The following SPAG17 variants were observed in gnomAD, a reference collection of about 807,000 sequenced individuals.
SPAG17 encodes the protein sperm associated antigen 17.
A neutral mutation model predicts 273.6 loss-of-function variants in SPAG17; 169 were observed. The observed-to-expected ratio is 0.62, with a 90% CI of 0.55 to 0.70. The LOEUF (loss-of-function observed/expected upper bound fraction) is 0.70, where lower values mean the gene tolerates loss of function less well. Among genes scored for constraint, SPAG17 ranks in the 30% least tolerant of loss-of-function variants. The pLI, the probability that SPAG17 is intolerant of heterozygous loss-of-function variation, is 0.00. For missense variants in SPAG17, 2,557 were observed against 2,627.8 expected (o/e 0.97, Z 0.59); for synonymous variants, 825 against 873.2 (o/e 0.94, Z 0.97).
rs1213749393 is a variant in SPAG17 at position 118,160,587 on chromosome 1, T to G, written c.88-9218A>C. ...CTTGTTTACTACAAAGCCATGGATA[T>G]AATTTAATTTCTACATCCATCTTGA... On this transcript the variant is annotated intron_variant, in intron 1 of 48. Transcript: ENST00000336338. Among the ~76,000 whole-genome samples the G allele has an allele frequency of 3.9e-5, 6 of 152,254 alleles. No individual in the cohort carries two copies. In the East Asian group the frequency reaches 1.2e-3, roughly 29 times the overall value.
intron 1 of SPAG17, among the ~76,000 whole-genome samples, chr1:118,184,217 AT>A (rs76877728): frequency 1.3e-5 from 2 of 152,064 alleles, no homozygotes; most frequent in South Asian, 2.1e-4. Context: ...TGAAAAAAAA[AT>A]TTTTTTTCCC....
Position 118,155,134 on chromosome 1 carries a change from G to A in SPAG17, c.88-3765C>T, listed in dbSNP as rs550702467. Among the ~76,000 whole-genome samples, 4 of 152,218 alleles carry A rather than the reference G, an allele frequency of 2.6e-5. No individual in the cohort carries two copies. In the East Asian group the frequency reaches 5.8e-4, roughly 22 times the overall value. The stretch of plus-strand genomic sequence containing the variant: ...AAAGCCATTCAAAGGATGGAATGAA[G>A]TCATGTATGGACACAATCCATTTCC... On this transcript the variant is annotated intron_variant, in intron 1 of 48. Coordinates refer to ENST00000336338, the MANE Select transcript of SPAG17 (RefSeq NM_206996.4).
intron 20 of SPAG17, 26 bp from the exon 21 acceptor site, chr1:118,042,068 C>A: frequency 6.3e-7 from 1 of 1,589,432 alleles, no homozygotes; most frequent in Non-Finnish European, 8.5e-7. Flanking sequence ...AGAAATTTAA[C>A]AGGATTTTTA....
intron 1 of SPAG17, among the ~76,000 whole-genome samples, chr1:118,162,207 C>T (rs1659963291): frequency 6.6e-6 from 1 of 152,148 alleles, no homozygotes; most frequent in Admixed American, 6.5e-5. Flanking sequence ...GGCAGTAATT[C>T]ATTATAATTA....
At chr1:118,051,114 C>T (rs890354301) in intron 20 of SPAG17, among the ~76,000 whole-genome samples, 3 of 151,914 alleles carry the variant, frequency 2.0e-5, no homozygotes, top group Admixed American at 6.6e-5. Context: ...AGAAGGCTTA[C>T]AAATGTCCCA....
intron 1 of SPAG17, among the ~76,000 whole-genome samples, chr1:118,179,452 G>T (rs955862595): frequency 6.6e-6 from 1 of 151,984 alleles, no homozygotes; most frequent in African/African-American, 2.4e-5. Flanking sequence ...AAAATGGATT[G>T]CAGACTTAAA....
chr1:117,972,059 G>C lies in SPAG17; in HGVS notation c.6142-12C>G. The C allele has an allele frequency of 1.3e-6, 2 of 1,544,620 alleles. No homozygotes were observed. Among genetic ancestry groups the C allele is most frequent in the Non-Finnish European group, 1.7e-6 (2 of 1,144,722 alleles). ...ACAGAATCTTGCACCTTTGCATTAA[G>C]AAAAAATTAATAAAATGGTTCTATT... On this transcript the variant is annotated splice_polypyrimidine_tract_variant and intron_variant, in intron 44 of 48. Coordinates refer to ENST00000336338, the MANE Select transcript of SPAG17 (RefSeq NM_206996.4).
At position 118,166,097 on chromosome 1, in the gene SPAG17, T is replaced by C. The variant is rs183964100; in HGVS notation, c.88-14728A>G. The stretch of plus-strand genomic sequence containing the variant: ...ATTTTTAGGATCACATGCTTTTTCA[T>C]TGGTGTTTGTATAATTGTGGAGGTT... On this transcript the variant is annotated intron_variant, in intron 1 of 48. Transcript: ENST00000336338. 3.0e-3 allele frequency among the ~76,000 whole-genome samples: 457 copies of C among 152,340 alleles called. 3 individuals carry two copies. The highest frequency in any genetic ancestry group is 0.01 in the African/African-American group (432 of 41,576).
In SPAG17 at chr1:118,025,354, T is replaced by C. The variant is rs748591504; in HGVS notation, c.3793A>G (p.Arg1265Gly). The change falls in exon 27 of 49, where the codon AGG (arginine) becomes GGG (glycine). Residue 1265 changes from arginine to glycine, a missense_variant. Physicochemically the swap from Arg to Gly is moderately radical, Grantham distance 125. Coordinates refer to ENST00000336338, the MANE Select transcript of SPAG17 (RefSeq NM_206996.4). Reference protein sequence around the residue: ...DIMVRQSYPQRVKHYEFYKTV... With the variant: ...DIMVRQSYPQGVKHYEFYKTV... ...TTATAGAACTCATAGTGCTTCACCCTCTGGGGGTAGCTCTGACGGACCATG... is the reference window on the plus strand; with the variant it reads ...TTATAGAACTCATAGTGCTTCACCCCCTGGGGGTAGCTCTGACGGACCATG... 2.5e-6 allele frequency: 4 copies of C among 1,612,436 alleles called. No individual in the cohort carries two copies. Among genetic ancestry groups the C allele is most frequent in the Non-Finnish European group, 3.4e-6 (4 of 1,179,280 alleles).
At position 117,966,731 on chromosome 1, in the gene SPAG17, T is replaced by G. The variant is rs773874607; in HGVS notation, c.6410A>C (p.Glu2137Ala). The G allele has an allele frequency of 4.3e-6, 7 of 1,612,820 alleles. No homozygotes were observed. In the East Asian group the frequency reaches 1.3e-4, roughly 31 times the overall value. ...TGTGGCAAATAACTCTATATTCAGT[T>G]CTGTCTGCATACCAGCTGCCACCTA... ...PGPVAAGMQT[E>A]LNIELFATAV... The change falls in exon 47 of 49, where the codon GAA (glutamate) becomes GCA (alanine). Residue 2137 changes from glutamate (E) to alanine (A), a missense_variant. Coordinates refer to ENST00000336338, the MANE Select transcript of SPAG17 (RefSeq NM_206996.4).
chr1:117,970,138 A>ACAACC, intron 45 of SPAG17, 22 bp from the exon 46 acceptor site: 2 of 1,605,250 alleles, frequency 1.2e-6, no homozygotes. Flanking sequence ...AAAGATAAAA[A>ACAACC]TAAATTTATG....
chr1:118,120,832 G>T (rs971064143), intron 3 of SPAG17, among the ~76,000 whole-genome samples: 4 of 152,148 alleles, frequency 2.6e-5, no homozygotes, highest in Non-Finnish European at 2.9e-5. Flanking sequence ...CATGAAAATA[G>T]AAAATATTTA....
At chr1:117,979,898 T>C in intron 43 of SPAG17, among the ~76,000 whole-genome samples, 1 of 152,254 alleles carries the variant, frequency 6.6e-6, no homozygotes, top group South Asian at 2.1e-4. Flanking sequence ...CCTAATGGAA[T>C]GTTGCCCCTC....
At chr1:117,973,293 G>C (rs988529259) in intron 44 of SPAG17, 132 bp downstream of exon 44, 1 of 1,210,508 alleles carries the variant, frequency 8.3e-7, no homozygotes, top group South Asian at 1.6e-5. Context: ...CACAGTGGCC[G>C]GAAACTAATA....
rs1558049073 is a variant in SPAG17 at position 118,151,423 on chromosome 1, G to C, written c.88-54C>G. 2.1e-6 allele frequency: 3 copies of C among 1,457,016 alleles called. No individual in the cohort carries two copies. In the Admixed American group the frequency reaches 5.7e-5, roughly 28 times the overall value. 90.3% of individuals were successfully genotyped at this position (1,457,016 alleles called of 1,614,324 possible). The stretch of plus-strand genomic sequence containing the variant: ...TAAATATTCCTGAATAGGTCATTTC[G>C]TGTCAAATATTTCCACTGAGAAGCA... On this transcript the variant is annotated intron_variant, in intron 1 of 48. Coordinates refer to ENST00000336338, the MANE Select transcript of SPAG17 (RefSeq NM_206996.4).
At chr1:117,961,420 C>G (rs1333076768) in intron 48 of SPAG17, 1 of 152,112 alleles carries the variant, frequency 6.6e-6, no homozygotes, top group African/African-American at 2.4e-5. Flanking sequence ...TGACAGATAC[C>G]TCTGGGTCTG....
intron 7 of SPAG17, among the ~76,000 whole-genome samples, chr1:118,093,973 C>A (rs1655552641): frequency 6.6e-6 from 1 of 152,126 alleles, no homozygotes; most frequent in African/African-American, 2.4e-5. Context: ...CTTTTGTTTC[C>A]AGAAGTAGGA....
At chr1:117,967,824 G>A (rs1654047231) in intron 46 of SPAG17, among the ~76,000 whole-genome samples, 1 of 152,042 alleles carries the variant, frequency 6.6e-6, no homozygotes, top group Non-Finnish European at 1.5e-5. Flanking sequence ...TCCAGGAGGT[G>A]GGTTAAAAAG....
At chr1:118,036,681 T>C in intron 24 of SPAG17, 89 bp downstream of exon 24, 3 of 817,626 alleles carry the variant, frequency 3.7e-6, no homozygotes. Flanking sequence ...TCATAACATG[T>C]TATTGACAAG....
Sources: gnomAD v4.1 joint callset for allele counts (sites outside exome capture counted in the v4.1 genomes callset) on GRCh38, gnomAD v4.1.1 for gene constraint, MANE v1.5 for transcripts, NCBI Gene and HGNC (gene_info 2026-07-23, HGNC 2026-07-21) for gene names.